PARG: variants seen among roughly 807,000 people sequenced by gnomAD.
PARG encodes mitochondrial poly(ADP-ribose) glycohydrolase.
PARG carries 35 observed loss-of-function variants against 113.0 expected under a neutral mutation model. The ratio of observed to expected loss-of-function variants is 0.31; its 90% CI spans 0.24 to 0.41. The LOEUF (loss-of-function observed/expected upper bound fraction) is 0.41, where lower values mean the gene tolerates loss of function less well. Among genes scored for constraint, PARG ranks in the 10% least tolerant of loss-of-function variants. The pLI, the probability that PARG is intolerant of heterozygous loss-of-function variation, is 1.00. For missense variants in PARG, 797 were observed against 1,169.4 expected, an observed-to-expected ratio of 0.68 and a Z score of 4.64; for synonymous variants, 330 against 409.9, an observed-to-expected ratio of 0.81 and a Z score of 2.36.
intron 13 of PARG, among the ~76,000 whole-genome samples, chr10:49,844,531 G>C (rs761543195): frequency 2.0e-5 from 3 of 151,470 alleles, no homozygotes; most frequent in Non-Finnish European, 4.4e-5. Context: ...GCTGAGGCAG[G>C]AGAATCGCTT....
intron 16 of PARG, among the ~76,000 whole-genome samples, chr10:49,832,482 A>T (rs1408020393): frequency 6.6e-6 from 1 of 152,158 alleles, no homozygotes; most frequent in Admixed American, 6.5e-5. Flanking sequence ...GTCCATAAAA[A>T]TCACTCCAGT....
At chr10:49,833,838 A>G (rs1844786696) in intron 15 of PARG, among the ~76,000 whole-genome samples, 2 of 152,238 alleles carry the variant, frequency 1.3e-5, no homozygotes, top group Non-Finnish European at 1.5e-5. Context: ...TACATATAAT[A>G]GCAAATACAA....
chr10:49,915,806 T>C lies in PARG; in HGVS notation c.1737+111A>G, dbSNP rs1837439166. The stretch of plus-strand genomic sequence containing the variant: ...CATACATATAAAATAACAGCAAATT[T>C]ATAAAACTAAAAGATAATTATCTTA... On this transcript the variant is annotated intron_variant, in intron 7 of 17. Coordinates refer to ENST00000616448, the MANE Select transcript of PARG (RefSeq NM_003631.5). 7 of 643,382 alleles carry C rather than the reference T, an allele frequency of 1.1e-5. No individual in the cohort carries two copies. The South Asian group carries it at 1.3e-4, about 12-fold the overall frequency. 39.9% of individuals were successfully genotyped at this position (643,382 alleles called of 1,614,324 possible).
intron 16 of PARG, 99 bp from the exon 17 acceptor site, chr10:49,820,392 A>G: frequency 1.3e-6 from 1 of 785,984 alleles, no homozygotes; most frequent in East Asian, 2.7e-5. Flanking sequence ...ATCCTAGATT[A>G]AAGATTTATA....
intron 1 of PARG, among the ~76,000 whole-genome samples, chr10:49,936,556 T>C (rs1344027528): frequency 3.3e-5 from 5 of 152,290 alleles, no homozygotes; most frequent in Middle Eastern, 3.4e-3. Context: ...TATATAATCA[T>C]TAGAAATAAG....
intron 16 of PARG, among the ~76,000 whole-genome samples, chr10:49,820,835 C>A (rs547003245): frequency 1.9e-4 from 29 of 152,146 alleles, no homozygotes; most frequent in Admixed American, 4.6e-4. Context: ...CCAACACAGG[C>A]ACCTTTGCTG....
intron 7 of PARG, among the ~76,000 whole-genome samples, chr10:49,913,508 A>G (rs1251287941): frequency 6.6e-6 from 1 of 152,224 alleles, no homozygotes; most frequent in Non-Finnish European, 1.5e-5. Context: ...AAGACATCAT[A>G]TATATGGGCA....
At chr10:49,890,391 C>A (rs1243029383) in intron 7 of PARG, among the ~76,000 whole-genome samples, 1 of 152,150 alleles carries the variant, frequency 6.6e-6, no homozygotes, top group East Asian at 1.9e-4. Flanking sequence ...TGCTATTTTG[C>A]CTATCTCCTT....
intron 7 of PARG, among the ~76,000 whole-genome samples, chr10:49,903,289 T>G (rs3106095): frequency 6.6e-6 from 1 of 151,788 alleles, no homozygotes; most frequent in African/African-American, 2.4e-5. Context: ...GGAAAAAAAA[T>G]AAACAAAAAA....
At chr10:49,848,641 T>C (rs1274417518) in intron 13 of PARG, among the ~76,000 whole-genome samples, 2 of 151,110 alleles carry the variant, frequency 1.3e-5, no homozygotes, top group East Asian at 1.9e-4. Context: ...ATAAGTAGGG[T>C]TGATTGTTCT....
intron 13 of PARG, among the ~76,000 whole-genome samples, chr10:49,856,807 C>T (rs1436053136): frequency 1.3e-5 from 2 of 151,806 alleles, no homozygotes; most frequent in African/African-American, 4.8e-5. Context: ...GTCAGGAGTT[C>T]GAGACCAGCC....
At position 49,819,336 on chromosome 10, in the gene PARG, C is replaced by A. The variant is rs1190792636; in HGVS notation, c.*4G>T. The A allele has an allele frequency of 2.6e-6, 4 of 1,548,766 alleles. No individual in the cohort carries two copies. In the Admixed American group the frequency reaches 7.9e-5, roughly 31 times the overall value. ...GTGGGAGGAGATGCTATTCGCTCGG[C>A]TCCTCAGGTCCCTGTCCTTTGCCCT... On this transcript the variant is annotated 3_prime_UTR_variant, in exon 18 of 18. Transcript: ENST00000616448.
At chr10:49,842,370 G>C (rs1443033252) in intron 14 of PARG, among the ~76,000 whole-genome samples, 2 of 152,176 alleles carry the variant, frequency 1.3e-5, no homozygotes, top group African/African-American at 2.4e-5. Context: ...CAAACAAAAG[G>C]AATCTAGTTC....
In PARG at chr10:49,879,316, A is replaced by G. The variant is rs1445257136; in HGVS notation, c.1988+357T>C. 2.0e-5 allele frequency among the ~76,000 whole-genome samples: 3 copies of G among 151,492 alleles called. No homozygotes were observed. The East Asian group carries it at 5.8e-4, about 29-fold the overall frequency. ...TCACAGTATTTCAGCATTAAGGAAT[A>G]TAAGCACAACAAAAGTTCTCGTGAA... On this transcript the variant is annotated intron_variant, in intron 9 of 17. Coordinates refer to ENST00000616448, the MANE Select transcript of PARG (RefSeq NM_003631.5).
intron 13 of PARG, among the ~76,000 whole-genome samples, chr10:49,846,156 G>A (rs1427931522): frequency 6.6e-6 from 1 of 150,412 alleles, no homozygotes; most frequent in Admixed American, 6.6e-5. Context: ...GTAATAAAAG[G>A]GATAGAACCA....
chr10:49,926,434 C>G (rs1313446448), intron 4 of PARG, among the ~76,000 whole-genome samples: 6 of 152,022 alleles, frequency 3.9e-5, no homozygotes, highest in Non-Finnish European at 8.8e-5. Flanking sequence ...ATGTGTTGCT[C>G]CCTATAGAAA....
At chr10:49,880,392 A>G (rs1445477167) in intron 8 of PARG, among the ~76,000 whole-genome samples, 41 of 151,926 alleles carry the variant, frequency 2.7e-4, no homozygotes, top group South Asian at 2.1e-4. Context: ...CCATACGGAC[A>G]TGCATAAGTT....
chr10:49,891,315 AAAATAAAT>A (rs1318872867), intron 7 of PARG, among the ~76,000 whole-genome samples: 2 of 152,112 alleles, frequency 1.3e-5, no homozygotes, highest in Non-Finnish European at 2.9e-5. Context: ...CTTTGTCTCA[AAAATAAAT>A]AAATAAAAAA....
intron 7 of PARG, among the ~76,000 whole-genome samples, chr10:49,914,697 A>C (rs1472132755): frequency 6.6e-6 from 1 of 152,204 alleles, no homozygotes. Context: ...TTTAAAACTG[A>C]CCACAAAGCT....
Sources: gnomAD v4.1 joint callset for allele counts (sites outside exome capture counted in the v4.1 genomes callset) on GRCh38, gnomAD v4.1.1 for gene constraint, MANE v1.5 for transcripts, NCBI Gene and HGNC (gene_info 2026-07-23, HGNC 2026-07-21) for gene names.